Variants in KHDRBS3 observed in about 807,000 individuals in gnomAD.
The protein encoded by KHDRBS3 is KH domain-containing, RNA-binding, signal transduction-associated protein 3.
In KHDRBS3, 23 loss-of-function variants were observed where a neutral mutation model predicts 45.6. The ratio of observed to expected loss-of-function variants is 0.50; its 90% CI spans 0.36 to 0.72. The LOEUF (loss-of-function observed/expected upper bound fraction) is 0.72. KHDRBS3 is among the 30% of genes least tolerant of loss of function. The pLI is 0.00. For missense variants in KHDRBS3, 352 were observed against 424.8 expected (o/e 0.83, Z 1.51); for synonymous variants, 162 against 156.5 (o/e 1.04, Z -0.26).
chr8:135,638,994 A>G (rs1830941412), intron 7 of KHDRBS3, among the ~76,000 whole-genome samples: 1 of 151,214 alleles, frequency 6.6e-6, no homozygotes, highest in South Asian at 2.1e-4. Context: ...AGAAGTAGCT[A>G]GTGAGATAGG....
chr8:135,610,418 A>G (rs1333490487), intron 7 of KHDRBS3, among the ~76,000 whole-genome samples: 2 of 151,878 alleles, frequency 1.3e-5, no homozygotes, highest in Non-Finnish European at 2.9e-5. Context: ...TATTTATATG[A>G]CAGATGATAA....
intron 7 of KHDRBS3, among the ~76,000 whole-genome samples, chr8:135,610,761 C>T (rs1327044976): frequency 3.3e-5 from 5 of 151,634 alleles, no homozygotes; most frequent in Non-Finnish European, 7.3e-5. Flanking sequence ...GTAAGGCCAG[C>T]AAGTCACAGA....
At chr8:135,545,279 G>T (rs1295242081) in intron 3 of KHDRBS3, among the ~76,000 whole-genome samples, 1 of 152,082 alleles carries the variant, frequency 6.6e-6, no homozygotes. Flanking sequence ...TAAGGAGGAG[G>T]AGTAGTGAAG....
At chr8:135,546,341 A>G (rs1337377803) in intron 3 of KHDRBS3, among the ~76,000 whole-genome samples, 1 of 152,060 alleles carries the variant, frequency 6.6e-6, no homozygotes, top group African/African-American at 2.4e-5. Flanking sequence ...ATCCATTTAG[A>G]TTTTCAAAGT....
chr8:135,528,199 T>C (rs570225404), intron 2 of KHDRBS3, among the ~76,000 whole-genome samples: 66 of 152,350 alleles, frequency 4.3e-4, no homozygotes, highest in Non-Finnish European at 8.2e-4. Context: ...ATCTGAATGT[T>C]GGGAATGTGA....
chr8:135,523,906 A>G (rs1341853256), intron 2 of KHDRBS3, among the ~76,000 whole-genome samples: 14 of 152,212 alleles, frequency 9.2e-5, no homozygotes, highest in Admixed American at 9.2e-4. Flanking sequence ...ATTGATTTTT[A>G]AAACTAAAAC....
chr8:135,557,460 G>A lies in KHDRBS3; in HGVS notation c.484G>A (p.Glu162Lys). 1 of 1,609,006 alleles carries A rather than the reference G, an allele frequency of 6.2e-7. No individual in the cohort carries two copies. Among genetic ancestry groups the A allele is most frequent in the Non-Finnish European group, 8.5e-7 (1 of 1,176,218 alleles). ...GTCTTTTGTGTAGGATTATAATGATGAGATCAGGCAAGCACAGCTCCAGGA... is the reference window on the plus strand; with the variant it reads ...GTCTTTTGTGTAGGATTATAATGATAAGATCAGGCAAGCACAGCTCCAGGA... ...KKFLIPDYND[E>K]IRQAQLQELT... The change falls in exon 5 of 9, where the codon GAG becomes AAG. Residue 162 changes from glutamate to lysine, a missense_variant. By Grantham distance (56) the Glu-to-Lys change is moderately conservative. Around this residue, in one of 6 missense-constraint regions of KHDRBS3, gnomAD observed 12 missense variants for 38.0 expected, o/e 0.32. Transcript: ENST00000355849.
chr8:135,458,864 T>C (rs1821269879), intron 1 of KHDRBS3: 1 of 456,122 alleles, frequency 2.2e-6, no homozygotes, highest in Admixed American at 2.3e-5. Flanking sequence ...AGTGTTCCCC[T>C]GGCTTTTTCC....
intron 5 of KHDRBS3, among the ~76,000 whole-genome samples, chr8:135,570,348 T>A (rs1002399303): frequency 6.6e-6 from 1 of 152,204 alleles, no homozygotes; most frequent in Non-Finnish European, 1.5e-5. Flanking sequence ...TGCTAAAGAT[T>A]ATCTTCATAA....
chr8:135,515,365 T>TAAAAAAAAAAAAAAAAAAAAAAA (rs59502823), intron 1 of KHDRBS3, among the ~76,000 whole-genome samples: 2 of 39,738 alleles, frequency 5.0e-5, no homozygotes, highest in Non-Finnish European at 9.6e-5. Flanking sequence ...GACTCCGTCT[T>TAAAAAAAAAAAAAAAAAAAAAAA]AAAAAAAAAA....
chr8:135,457,876 A>G lies in KHDRBS3; in HGVS notation c.10A>G (p.Lys4Glu), dbSNP rs1821192772. The change falls in exon 1 of 9, where the codon AAG becomes GAG. Residue 4 changes from lysine to glutamate, a missense_variant. By Grantham distance (56) the Lys-to-Glu change is moderately conservative. This residue lies in a region of KHDRBS3 where 58 missense variants were observed against 64.5 expected (regional missense o/e 0.90). Transcript: ENST00000355849. This position sits in a 1 kb window ranked among gnomAD's most constrained non-coding sequence, Gnocchi z 4.4. Reference sequence around the variant, plus strand: ...CCGGCGGCCGGCGAGCATGGAGGAGAAGTACCTGCCCGAGCTGATGGCGGA... The same window carrying G: ...CCGGCGGCCGGCGAGCATGGAGGAGGAGTACCTGCCCGAGCTGATGGCGGA... MEEKYLPELMAEKD... is the reference protein window; with the variant it reads MEEEYLPELMAEKD... 3.1e-6 allele frequency: 5 copies of G among 1,589,028 alleles called. No homozygotes were observed. The highest frequency in any genetic ancestry group is 4.3e-6 in the Non-Finnish European group (5 of 1,169,208).
chr8:135,644,749 G>C (rs981589707), intron 7 of KHDRBS3, among the ~76,000 whole-genome samples: 1 of 152,312 alleles, frequency 6.6e-6, no homozygotes, highest in South Asian at 2.1e-4. Flanking sequence ...AGTCTTCCCA[G>C]GTCAGGTGCT....
chr8:135,542,777 T>C lies in KHDRBS3; in HGVS notation c.324+7T>C, dbSNP rs1168333929. On this transcript the variant is annotated splice_region_variant and intron_variant, in intron 3 of 8. Transcript: ENST00000355849. Reference sequence around the variant, plus strand: ...CATGAGAGACAAGGCCAAGGTAATATTAATTATAGAAAACGGCTAAGTTGT... The same window carrying C: ...CATGAGAGACAAGGCCAAGGTAATACTAATTATAGAAAACGGCTAAGTTGT... 1 of 1,564,882 alleles carries C rather than the reference T, an allele frequency of 6.4e-7. No individual in the cohort carries two copies. Among genetic ancestry groups the C allele is most frequent in the South Asian group, 1.1e-5 (1 of 89,370 alleles).
chr8:135,481,571 C>T (rs1822581451), intron 1 of KHDRBS3, among the ~76,000 whole-genome samples: 1 of 152,126 alleles, frequency 6.6e-6, no homozygotes, highest in Admixed American at 6.6e-5. Context: ...AACGTTTATT[C>T]AGTAAATTCT....
Position 135,486,448 on chromosome 8 carries a change from A to G in KHDRBS3, c.88+28494A>G, listed in dbSNP as rs535154821. ...CTTGGATAAAGGGGAGATGAGGGAA[A>G]TTTACACACAGCCCAGAGATTAGAG... is the stretch of plus-strand genomic sequence containing the variant. On this transcript the variant is annotated intron_variant, in intron 1 of 8. Coordinates refer to ENST00000355849, the MANE Select transcript of KHDRBS3 (RefSeq NM_006558.3). Among the ~76,000 whole-genome samples the G allele has an allele frequency of 7.9e-5, 12 of 152,350 alleles. No individual in the cohort carries two copies. In the South Asian group the frequency reaches 2.5e-3, roughly 32 times the overall value.
intron 7 of KHDRBS3, chr8:135,625,692 A>G: frequency 2.5e-6 from 2 of 793,422 alleles, no homozygotes; most frequent in Non-Finnish European, 2.2e-6. Flanking sequence ...CTTTCCTTTT[A>G]CTAATTTGTC....
chr8:135,595,288 C>T (rs938680179), intron 6 of KHDRBS3, among the ~76,000 whole-genome samples: 2 of 152,158 alleles, frequency 1.3e-5, no homozygotes, highest in African/African-American at 4.8e-5. Flanking sequence ...TTTTTTACTC[C>T]TGCTGTGTGG....
intron 5 of KHDRBS3, among the ~76,000 whole-genome samples, chr8:135,564,272 A>G (rs911546181): frequency 6.6e-6 from 1 of 152,234 alleles, no homozygotes; most frequent in African/African-American, 2.4e-5. Context: ...TTATCTGAAA[A>G]TAAGTGTGGA....
chr8:135,620,112 G>A (rs889349004), intron 7 of KHDRBS3, among the ~76,000 whole-genome samples: 17 of 145,618 alleles, frequency 1.2e-4, no homozygotes, highest in African/African-American at 3.6e-4. Flanking sequence ...TCAATCTGTC[G>A]CCCAGGCTGG....
Sources: allele counts gnomAD v4.1 joint callset (sites outside exome capture counted in the v4.1 genomes callset), GRCh38; gene constraint gnomAD v4.1.1; regional missense constraint gnomAD v4.1.1; non-coding constraint Gnocchi (gnomAD v3.1); transcripts MANE v1.5; gene names NCBI Gene and HGNC (gene_info 2026-07-23, HGNC 2026-07-21).